The following RNF214 variants were observed in gnomAD, a reference collection of about 807,000 sequenced individuals.
RNF214 encodes ring finger protein 214.
Under a neutral mutation model 75.9 loss-of-function variants are expected in RNF214, and 25 were observed. The observed-to-expected ratio is 0.33, with a 90% CI of 0.24 to 0.46. The LOEUF (loss-of-function observed/expected upper bound fraction) is 0.46, where lower values mean the gene tolerates loss of function less well. RNF214 is among the 20% of genes least tolerant of loss of function. The pLI, the probability that RNF214 is intolerant of heterozygous loss-of-function variation, is 1.00. For missense variants in RNF214, 725 were observed against 857.5 expected (o/e 0.85, Z 1.93); for synonymous variants, 314 against 308.8 (o/e 1.02, Z -0.18).
At chr11:117,250,611 T>TTA (rs1555053705) in intron 6 of RNF214, among the ~76,000 whole-genome samples, 1 of 22,776 alleles carries the variant, frequency 4.4e-5, no homozygotes, top group Non-Finnish European at 6.2e-5. Context: ...ATTTATTTAT[T>TTA]TTTTTTTTAA....
chr11:117,243,707 C>CTATT (rs1261434810), intron 4 of RNF214, among the ~76,000 whole-genome samples: 2 of 151,990 alleles, frequency 1.3e-5, no homozygotes, highest in Non-Finnish European at 2.9e-5. Flanking sequence ...AGAAGCACTT[C>CTATT]TATTTATTTA....
chr11:117,265,561 C>G (rs67145274), intron 6 of RNF214, among the ~76,000 whole-genome samples: 11,870 of 151,946 alleles, frequency 0.078, 559 homozygotes, highest in East Asian at 0.14. Context: ...TTACAGGCCC[C>G]CACTACTATG....
intron 5 of RNF214, among the ~76,000 whole-genome samples, chr11:117,246,232 A>G (rs1418889312): frequency 1.3e-5 from 2 of 152,030 alleles, no homozygotes; most frequent in African/African-American, 4.8e-5. Context: ...CCAAAGTACA[A>G]GGATTATAGG....
intron 4 of RNF214, 21 bp from the exon 5 acceptor site, chr11:117,244,424 T>C: frequency 1.2e-6 from 2 of 1,600,592 alleles, no homozygotes; most frequent in South Asian, 2.2e-5. Flanking sequence ...AAATAAGCTT[T>C]TCTTGTCTTG....
chr11:117,237,573 T>C (rs1382779076), intron 2 of RNF214, among the ~76,000 whole-genome samples: 1 of 152,166 alleles, frequency 6.6e-6, no homozygotes, highest in Non-Finnish European at 1.5e-5. Context: ...ATTGTGAATG[T>C]TGGATGTCAT....
chr11:117,281,787 G>A (rs1390898777), intron 10 of RNF214, 89 bp downstream of exon 10: 62 of 1,508,530 alleles, frequency 4.1e-5, no homozygotes, highest in Non-Finnish European at 5.2e-5. Context: ...GAAGATATTG[G>A]GACCATCCCT....
At chr11:117,254,044 A>G (rs2033462932) in intron 6 of RNF214, among the ~76,000 whole-genome samples, 1 of 152,152 alleles carries the variant, frequency 6.6e-6, no homozygotes, top group South Asian at 2.1e-4. Flanking sequence ...ACCTGAGGTC[A>G]GGAGTTGGAG....
At chr11:117,276,748 A>T (rs916323998) in intron 6 of RNF214, among the ~76,000 whole-genome samples, 1 of 152,230 alleles carries the variant, frequency 6.6e-6, no homozygotes, top group African/African-American at 2.4e-5. Flanking sequence ...TTCCATTGAC[A>T]TAAGAGGATT....
At chr11:117,242,627 G>C (rs1428210139) in intron 4 of RNF214, among the ~76,000 whole-genome samples, 2 of 152,094 alleles carry the variant, frequency 1.3e-5, no homozygotes, top group Admixed American at 6.6e-5. Flanking sequence ...CCAAGGCAGG[G>C]GTATCACCTG....
rs774990008 is a variant in RNF214, at chr11:117,280,201, C to T, written c.1087C>T (p.Leu363=). 28 of 1,613,616 alleles carry T rather than the reference C, an allele frequency of 1.7e-5. No homozygotes were observed. The highest frequency in any genetic ancestry group is 1.3e-5 in the African/African-American group (1 of 74,930). ...ATCACTAGAGAGCCGGAAAGAGTTACTGGTACTGAAACTAGAAGAAGCAGA... is the reference window on the plus strand; with the variant it reads ...ATCACTAGAGAGCCGGAAAGAGTTATTGGTACTGAAACTAGAAGAAGCAGA... The part of the protein sequence containing the change: ...ILSLESRKEL[L]VLKLEEAEKE... The change falls in exon 8 of 15, where the codon CTG becomes TTG. Residue 363 remains leucine (L), a synonymous_variant. Transcript: ENST00000300650.
At chr11:117,246,453 C>T (rs760728000) in intron 5 of RNF214, among the ~76,000 whole-genome samples, 45 of 152,156 alleles carry the variant, frequency 3.0e-4, no homozygotes, top group Admixed American at 5.9e-4. Flanking sequence ...GTAACAGACC[C>T]TCCCTGGTAC....
At chr11:117,262,095 A>AGG (rs2033679118) in intron 6 of RNF214, among the ~76,000 whole-genome samples, 1 of 138,422 alleles carries the variant, frequency 7.2e-6, no homozygotes, top group African/African-American at 2.8e-5. Context: ...TTGAGATACG[A>AGG]GTCTGGCTCC....
At chr11:117,272,626 A>T (rs73010456) in intron 6 of RNF214, among the ~76,000 whole-genome samples, 2,003 of 147,874 alleles carry the variant, frequency 0.014, 45 homozygotes, top group East Asian at 0.11. Context: ...TTTTTTTTTT[A>T]AAAAGAAAGA....
chr11:117,282,986 G>C, intron 13 of RNF214, 129 bp from the exon 14 acceptor site: 2 of 980,924 alleles, frequency 2.0e-6, no homozygotes, highest in Non-Finnish European at 3.1e-6. Flanking sequence ...AAATATTTTA[G>C]GCAAGAATCT....
At position 117,268,898 on chromosome 11, in the gene RNF214, CTT is replaced by C. The variant is rs2033851315; in HGVS notation, c.960-11008_960-11007del. ...TAGGGTTAAAGAGGGAAAGCGTTCT[CTT>C]TGCCCTCTAAAAGTTCACTAAAAAT... On this transcript the variant is annotated intron_variant, in intron 6 of 14. Transcript: ENST00000300650. Among the ~76,000 whole-genome samples the C allele has an allele frequency of 7.9e-5, 12 of 152,264 alleles. No individual in the cohort carries two copies. In the South Asian group the frequency reaches 2.5e-3, roughly 32 times the overall value.
At chr11:117,281,266 T>G in intron 8 of RNF214, 48 bp from the exon 9 acceptor site, 1 of 1,360,296 alleles carries the variant, frequency 7.4e-7, no homozygotes, top group Non-Finnish European at 1.1e-6. Flanking sequence ...TCACTGTTCC[T>G]AGCAGGGCTT....
chr11:117,253,077 G>C (rs981159429), intron 6 of RNF214, among the ~76,000 whole-genome samples: 5 of 151,986 alleles, frequency 3.3e-5, no homozygotes, highest in African/African-American at 1.2e-4. Context: ...TAGTGGTACA[G>C]TCATGGCTCA....
chr11:117,260,859 G>A (rs2033645365), intron 6 of RNF214, among the ~76,000 whole-genome samples: 1 of 149,508 alleles, frequency 6.7e-6, no homozygotes, highest in South Asian at 2.1e-4. Context: ...TCTCCATGTT[G>A]GTCAAGCTGG....
In RNF214 at chr11:117,244,499, G is replaced by A; in HGVS notation, c.733G>A (p.Asp245Asn). The A allele has an allele frequency of 6.2e-7, 1 of 1,613,300 alleles. No homozygotes were observed. The highest frequency in any genetic ancestry group is 8.5e-7 in the Non-Finnish European group (1 of 1,179,478). The change falls in exon 5 of 15, where the codon GAC becomes AAC. Residue 245 changes from aspartate to asparagine, a missense_variant. Transcript: ENST00000300650. ...GAAAGAGCGTTACCAGGAGGTCCTG[G>A]ACAAACAGAGGCAAGTGGAGAATCA... ...LLKERYQEVL[D>N]KQRQVENQLQ...
Sources: allele counts gnomAD v4.1 joint callset (sites outside exome capture counted in the v4.1 genomes callset), GRCh38; gene constraint gnomAD v4.1.1; transcripts MANE v1.5; gene names NCBI Gene and HGNC (gene_info 2026-07-23, HGNC 2026-07-21).